The following ARHGAP32 variants were observed in gnomAD, a reference collection of about 807,000 sequenced individuals.
ARHGAP32 encodes the protein rho GTPase-activating protein 32.
In ARHGAP32, 51 loss-of-function variants were observed where a neutral mutation model predicts 186.5. That is an observed-to-expected ratio of 0.27 (90% CI 0.22 to 0.35). The LOEUF (loss-of-function observed/expected upper bound fraction) is 0.35, where lower values mean the gene tolerates loss of function less well. ARHGAP32 is among the 10% of genes least tolerant of loss of function. The pLI is 1.00. For synonymous variants in ARHGAP32, 950 were observed against 964.3 expected, an observed-to-expected ratio of 0.99 and a Z score of 0.27; for missense variants, 2,186 against 2,623.5, an observed-to-expected ratio of 0.83 and a Z score of 3.64.
chr11:129,224,768 CAAAA>C (rs57944399), intron 1 of ARHGAP32, among the ~76,000 whole-genome samples: 2 of 104,298 alleles, frequency 1.9e-5, no homozygotes. Flanking sequence ...TTGGCTAGAG[CAAAA>C]AAAAAAAAAA....
intron 15 of ARHGAP32, among the ~76,000 whole-genome samples, chr11:128,984,708 G>C (rs570441213): frequency 6.6e-6 from 1 of 152,004 alleles, no homozygotes; most frequent in Non-Finnish European, 1.5e-5. Context: ...GGCATACATG[G>C]TAAGTAATAT....
At chr11:129,271,749 T>A (rs1047164221) in intron 1 of ARHGAP32, among the ~76,000 whole-genome samples, 2 of 152,100 alleles carry the variant, frequency 1.3e-5, no homozygotes, top group Non-Finnish European at 2.9e-5. Context: ...AATGAACAAC[T>A]AAGAGGTCAA....
intron 1 of ARHGAP32, among the ~76,000 whole-genome samples, chr11:129,174,567 G>T (rs1295721733): frequency 6.6e-6 from 1 of 152,196 alleles, no homozygotes. Context: ...AGAGAGCAAT[G>T]CTTCTCCCAG....
At chr11:129,114,298 T>C (rs765243391) in intron 5 of ARHGAP32, among the ~76,000 whole-genome samples, 7 of 152,178 alleles carry the variant, frequency 4.6e-5, no homozygotes, top group Admixed American at 2.6e-4. Flanking sequence ...TCTCTGCATA[T>C]CCAAATTCTA....
intron 6 of ARHGAP32, among the ~76,000 whole-genome samples, chr11:129,089,005 A>G (rs1941496403): frequency 6.6e-6 from 1 of 151,896 alleles, no homozygotes; most frequent in Non-Finnish European, 1.5e-5. Context: ...CAAAAAAAAA[A>G]AAAAAAAAAA....
At chr11:129,260,098 C>G (rs572891408) in intron 1 of ARHGAP32, among the ~76,000 whole-genome samples, 5 of 152,280 alleles carry the variant, frequency 3.3e-5, no homozygotes, top group Admixed American at 2.6e-4. Flanking sequence ...ATGAAATGGG[C>G]TGCAACAACT....
upstream of ARHGAP32, among the ~76,000 whole-genome samples, chr11:129,192,703 T>C (rs566148606): frequency 1.1e-4 from 17 of 152,108 alleles, no homozygotes; most frequent in African/African-American, 3.9e-4. Context: ...AGAAGATAAG[T>C]ATGCTCTAGG....
At chr11:128,979,259 GA>G (rs1278660345) in intron 18 of ARHGAP32, among the ~76,000 whole-genome samples, 12 of 152,158 alleles carry the variant, frequency 7.9e-5, no homozygotes, top group African/African-American at 2.9e-4. Flanking sequence ...CAGAGTTAAA[GA>G]AAATGATTTT....
At chr11:129,062,147 T>A in intron 10 of ARHGAP32, 133 bp downstream of exon 10, 1 of 697,136 alleles carries the variant, frequency 1.4e-6, no homozygotes, top group African/African-American at 1.8e-5. Context: ...ATCATTACTA[T>A]CTGCATTTTC....
chr11:128,972,332 C>A (rs1945400055), intron 22 of ARHGAP32, 121 bp downstream of exon 22: 2 of 1,192,032 alleles, frequency 1.7e-6, no homozygotes, highest in East Asian at 2.4e-5. Flanking sequence ...TCATGGAAAC[C>A]AGCCACAGGG....
chr11:129,276,127 G>A (rs1033826276), intron 1 of ARHGAP32, among the ~76,000 whole-genome samples: 1 of 152,200 alleles, frequency 6.6e-6, no homozygotes, highest in Non-Finnish European at 1.5e-5. Context: ...ATTTTAAAAA[G>A]CAGCAGCAGC....
Position 129,095,323 on chromosome 11 carries a change from C to T in ARHGAP32, c.445-1616G>A, listed in dbSNP as rs116218229. ...ACAGGGTAAGGAGAAGCCAGCCAAA[C>T]CTTGAGTAACTGCATATAAACTAAA... is the stretch of plus-strand genomic sequence containing the variant. On this transcript the variant is annotated intron_variant, in intron 5 of 22. Transcript: ENST00000682385. Among the ~76,000 whole-genome samples the T allele has an allele frequency of 3.9e-3, 587 of 152,258 alleles. 3 individuals are homozygous for T. The highest frequency in any genetic ancestry group is 0.012 in the African/African-American group (518 of 41,540).
chr11:129,040,459 T>C (rs1459891111), intron 11 of ARHGAP32, among the ~76,000 whole-genome samples: 1 of 152,184 alleles, frequency 6.6e-6, no homozygotes, highest in Admixed American at 6.5e-5. Flanking sequence ...AACAATGCTT[T>C]ATTTGTAATA....
At chr11:129,074,277 A>ATC (rs1417553502) in intron 6 of ARHGAP32, among the ~76,000 whole-genome samples, 2 of 151,778 alleles carry the variant, frequency 1.3e-5, no homozygotes, top group Non-Finnish European at 2.9e-5. Context: ...TGTTTTACAT[A>ATC]TATATGTGTA....
At chr11:129,276,121 T>C (rs1945526193) in intron 1 of ARHGAP32, among the ~76,000 whole-genome samples, 1 of 152,192 alleles carries the variant, frequency 6.6e-6, no homozygotes, top group Non-Finnish European at 1.5e-5. Flanking sequence ...TATTAAATTT[T>C]AAAAAGCAGC....
rs774749623 is a variant in ARHGAP32, at chr11:129,192,087, A to G, written c.112T>C (p.Phe38Leu). ...DCEEEEREEK[F>L]RKMKSSVHSE... ...AACTGTGAATTCCATAATCACCTGAACTTCTCTTCCCTTTCTTCCTCTTCA... is the reference window on the plus strand; with the variant it reads ...AACTGTGAATTCCATAATCACCTGAGCTTCTCTTCCCTTTCTTCCTCTTCA... The change falls in exon 1 of 23, where the codon TTC (phenylalanine) becomes CTC (leucine). Residue 38 changes from phenylalanine to leucine, a missense_variant. Phe to Leu is a conservative substitution (Grantham distance 22, BLOSUM62 0). This residue lies in a region of ARHGAP32 where 108 missense variants were observed against 116.8 expected (regional missense o/e 0.92). Transcript: ENST00000682385. 1.1e-5 allele frequency: 18 copies of G among 1,611,250 alleles called. No homozygotes were observed. Among genetic ancestry groups the G allele is most frequent in the Non-Finnish European group, 1.5e-5 (18 of 1,177,660 alleles).
chr11:129,108,571 T>C (rs1163065360), intron 5 of ARHGAP32, among the ~76,000 whole-genome samples: 3 of 152,182 alleles, frequency 2.0e-5, no homozygotes, highest in Non-Finnish European at 4.4e-5. Context: ...ATGTATAGGC[T>C]AGAATATTTT....
chr11:128,997,581 A>T (rs535351224), intron 12 of ARHGAP32, among the ~76,000 whole-genome samples: 2 of 152,300 alleles, frequency 1.3e-5, no homozygotes, highest in Admixed American at 1.3e-4. Flanking sequence ...GAGATGCTAG[A>T]GGAAAGTGCT....
intron 15 of ARHGAP32, among the ~76,000 whole-genome samples, chr11:128,983,718 A>C (rs1945782287): frequency 6.6e-6 from 1 of 151,926 alleles, no homozygotes; most frequent in South Asian, 2.1e-4. Context: ...GTAAAATTTT[A>C]TTACTTGAGG....
Sources: allele counts gnomAD v4.1 joint callset (sites outside exome capture counted in the v4.1 genomes callset), GRCh38; gene constraint gnomAD v4.1.1; regional missense constraint gnomAD v4.1.1; transcripts MANE v1.5; gene names NCBI Gene and HGNC (gene_info 2026-07-23, HGNC 2026-07-21).